MAEL: variants seen among roughly 807,000 people sequenced by gnomAD.
MAEL encodes the protein protein maelstrom homolog.
A neutral mutation model predicts 62.0 loss-of-function variants in MAEL; 46 were observed. The ratio of observed to expected loss-of-function variants is 0.74; its 90% CI spans 0.59 to 0.95. The LOEUF (loss-of-function observed/expected upper bound fraction) is 0.95. Among genes scored for constraint, MAEL ranks in the 40% least tolerant of loss-of-function variants. The pLI, the probability that MAEL is intolerant of heterozygous loss-of-function variation, is 0.00. For missense variants in MAEL, 497 were observed against 526.8 expected, an observed-to-expected ratio of 0.94 and a Z score of 0.55; for synonymous variants, 172 against 175.5, an observed-to-expected ratio of 0.98 and a Z score of 0.16.
Position 167,006,632 on chromosome 1 carries a change from T to C in MAEL, c.845+1235T>C, listed in dbSNP as rs1452000575. 7.9e-4 allele frequency among the ~76,000 whole-genome samples: 72 copies of C among 90,886 alleles called. 1 individual carries two copies. Among genetic ancestry groups the C allele is most frequent in the African/African-American group, 2.7e-3 (70 of 26,144 alleles). The allele number at this position is 90,886 out of a possible 152,430, so 59.6% of individuals were successfully genotyped here. A position where few individuals can be genotyped will look rare whatever the true frequency, so the allele number is the denominator to read the frequency against. On this transcript the variant is annotated intron_variant, in intron 8 of 11. Transcript: ENST00000367872. ...ATATATATATATATATATATATATATATATACATTTTTTTTTTTTTTGAGA... is the reference window on the plus strand; with the variant it reads ...ATATATATATATATATATATATATACATATACATTTTTTTTTTTTTTGAGA...
chr1:167,016,475 G>C (rs568162655), intron 9 of MAEL, among the ~76,000 whole-genome samples, 191 bp downstream of exon 9: 1 of 152,170 alleles, frequency 6.6e-6, no homozygotes, highest in South Asian at 2.1e-4. Flanking sequence ...ATATCCAAAA[G>C]ACAGGCAATA....
At chr1:166,985,990 T>G (rs1351262360), upstream of MAEL, among the ~76,000 whole-genome samples, 1 of 152,204 alleles carries the variant, frequency 6.6e-6, no homozygotes, top group Non-Finnish European at 1.5e-5. Flanking sequence ...ATTTTTAGAT[T>G]TTTTAAAACG....
At chr1:167,009,153 G>T (rs1665057156) in intron 8 of MAEL, among the ~76,000 whole-genome samples, 1 of 152,076 alleles carries the variant, frequency 6.6e-6, no homozygotes, top group Admixed American at 6.6e-5. Flanking sequence ...CTGTGTTTCT[G>T]TCTGTGTTTC....
chr1:167,016,185 C>T, intron 8 of MAEL, 37 bp from the exon 9 acceptor site: 1 of 1,573,980 alleles, frequency 6.4e-7, no homozygotes, highest in Non-Finnish European at 8.7e-7. Flanking sequence ...AGCAGTGCTA[C>T]TTCAGTTAGG....
chr1:166,989,100 C>T, upstream of MAEL: 1 of 505,946 alleles, frequency 2.0e-6, no homozygotes, highest in Non-Finnish European at 3.6e-6. Context: ...GCCACGCACC[C>T]AGCCAATCAG....
chr1:166,982,661 T>TA (rs890401015), intron 1 of MAEL, among the ~76,000 whole-genome samples: 27 of 148,876 alleles, frequency 1.8e-4, no homozygotes, highest in South Asian at 6.4e-4. Context: ...TATACTTAAT[T>TA]AAAAAAAAAA....
chr1:167,020,752 A>T lies in MAEL; in HGVS notation c.1042-333A>T, dbSNP rs543362480. 3.9e-5 allele frequency among the ~76,000 whole-genome samples: 6 copies of T among 151,940 alleles called. No individual in the cohort carries two copies. In the South Asian group the frequency reaches 1.2e-3, roughly 32 times the overall value. On this transcript the variant is annotated intron_variant, in intron 10 of 11. Transcript: ENST00000367872. ...ACCAATCTGTCTGCTTGTATATTAG[A>T]TTTCCTTCCCTTACCACTCAAGGAC...
intron 8 of MAEL, chr1:167,005,932 T>G (rs1465604374): frequency 6.6e-6 from 1 of 152,358 alleles, no homozygotes; most frequent in Non-Finnish European, 1.5e-5. Flanking sequence ...TACTTCAATA[T>G]GTGTTTCCTA....
intron 5 of MAEL, among the ~76,000 whole-genome samples, chr1:167,002,001 A>G (rs1368750229): frequency 9.9e-5 from 15 of 152,140 alleles, no homozygotes; most frequent in African/African-American, 3.6e-4. Flanking sequence ...GGCCCATCTC[A>G]AACTCCTGAT....
At position 167,021,095 on chromosome 1, in the gene MAEL, T is replaced by A; in HGVS notation, c.1052T>A (p.Val351Asp). ...TCCTGTTACTTACAGAAGCTAAGGG[T>A]TGGGAGTTCAGGATTCTCTCATTTC... ...LDAGRYQKLR[V>D]GSSGFSHFNS... is the part of the protein sequence containing the mutation. Residue 351 changes from valine (V) to aspartate (D), a missense_variant, in exon 11 of 12, where the codon GTT (valine) becomes GAT (aspartate). By Grantham distance (152) the Val-to-Asp change is radical (BLOSUM62 -3). Transcript: ENST00000367872. The A allele has an allele frequency of 6.2e-7, 1 of 1,611,510 alleles. No homozygotes were observed. Among genetic ancestry groups the A allele is most frequent in the Non-Finnish European group, 8.5e-7 (1 of 1,178,076 alleles).
chr1:167,012,292 T>C (rs1437082829), intron 8 of MAEL: 1 of 152,166 alleles, frequency 6.6e-6, no homozygotes, highest in Non-Finnish European at 1.5e-5. Context: ...GTTAGGCAAA[T>C]TGAATATTAG....
upstream of MAEL, among the ~76,000 whole-genome samples, chr1:166,987,209 C>T (rs1305262756): frequency 6.6e-6 from 1 of 152,130 alleles, no homozygotes; most frequent in African/African-American, 2.4e-5. Context: ...CCTCCGGGCT[C>T]CAGGTAATGC....
intron 1 of MAEL, 43 bp from the exon 2 acceptor site, chr1:166,989,694 C>T (rs1664075758): frequency 6.3e-7 from 1 of 1,587,990 alleles, no homozygotes; most frequent in Non-Finnish European, 8.6e-7. Context: ...AGCACGGGAT[C>T]CTCACGGCTG....
intron 2 of MAEL, 92 bp downstream of exon 2, chr1:166,989,921 G>A (rs1557971911): frequency 2.0e-6 from 2 of 1,021,466 alleles, no homozygotes; most frequent in Non-Finnish European, 2.9e-6. Flanking sequence ...GTCAAGGGTG[G>A]ACTGCTTTGG....
chr1:166,983,644 G>T (rs1663827335), intron 1 of MAEL, among the ~76,000 whole-genome samples: 2 of 152,178 alleles, frequency 1.3e-5, no homozygotes, highest in South Asian at 4.2e-4. Flanking sequence ...AATCAATCTG[G>T]TTGGAAAATG....
upstream of MAEL, among the ~76,000 whole-genome samples, chr1:166,986,336 C>A (rs1037562001): frequency 6.6e-6 from 1 of 152,076 alleles, no homozygotes; most frequent in African/African-American, 2.4e-5. Flanking sequence ...TATTATAGTT[C>A]AGTCATATCT....
intron 4 of MAEL, among the ~76,000 whole-genome samples, chr1:166,993,772 C>T (rs1664292325): frequency 1.3e-5 from 2 of 152,194 alleles, no homozygotes; most frequent in Admixed American, 6.5e-5. Context: ...TCTTTTGACA[C>T]ATGCTTTCTT....
In MAEL at chr1:167,004,159, TCTC is replaced by T. The variant is rs777061033; in HGVS notation, c.524-18_524-16del. On this transcript the variant is annotated intron_variant, in intron 5 of 11. Transcript: ENST00000367872. ...ATTTATCTTGCTCAAAGTTTGAACT[TCTC>T]CTTTTTATTTCCCTCAGGTGATTCT... 6.3e-6 allele frequency: 10 copies of T among 1,596,442 alleles called. No homozygotes were observed. In the East Asian group the frequency reaches 6.7e-5, roughly 11 times the overall value.
chr1:167,002,526 G>A (rs1355688283), intron 5 of MAEL, among the ~76,000 whole-genome samples: 1 of 152,146 alleles, frequency 6.6e-6, no homozygotes, highest in African/African-American at 2.4e-5. Flanking sequence ...ATGAAATCTT[G>A]TTATTTCTCT....
Sources: gnomAD v4.1 joint callset for allele counts (sites outside exome capture counted in the v4.1 genomes callset) on GRCh38, gnomAD v4.1.1 for gene constraint, MANE v1.5 for transcripts, NCBI Gene and HGNC (gene_info 2026-07-23, HGNC 2026-07-21) for gene names.